The following COL25A1 variants were observed in gnomAD, a reference collection of about 807,000 sequenced individuals.
COL25A1 encodes collagen type XXV alpha 1 chain.
In COL25A1, 103 loss-of-function variants were observed where a neutral mutation model predicts 128.4. That is an observed-to-expected ratio of 0.80 (90% CI 0.68 to 0.94). The LOEUF is 0.94. Ranked by LOEUF, COL25A1 falls within the 40% of genes least tolerant of loss-of-function variation. COL25A1 has a pLI of 0.00. For synonymous variants in COL25A1, 279 were observed against 277.2 expected (o/e 1.01, Z -0.06); for missense variants, 745 against 840.0 (o/e 0.89, Z 1.40).
rs571848076 is a variant in COL25A1 at position 109,052,503 on chromosome 4, C to G, written c.368-2324G>C. Among the ~76,000 whole-genome samples the G allele has an allele frequency of 1.4e-4, 21 of 152,228 alleles. No individual in the cohort carries two copies. The South Asian group carries it at 4.4e-3, about 32-fold the overall frequency. ...AAGTTATGAGAAGATGGAATCTAAA[C>G]TCTAATGAATTTACAAAGAAAATAT... On this transcript the variant is annotated intron_variant, in intron 3 of 37. Transcript: ENST00000399132.
chr4:109,019,871 G>A (rs532413496), intron 5 of COL25A1, among the ~76,000 whole-genome samples: 129 of 152,236 alleles, frequency 8.5e-4, no homozygotes, highest in African/African-American at 3.0e-3. Flanking sequence ...AGAGAAGCAC[G>A]AAAGTTCCAT....
At chr4:109,128,262 A>G (rs1453703138) in intron 3 of COL25A1, among the ~76,000 whole-genome samples, 4 of 152,102 alleles carry the variant, frequency 2.6e-5, no homozygotes, top group African/African-American at 9.7e-5. Context: ...GATAAGAGGA[A>G]GCTGAGGACT....
chr4:109,258,171 C>T (rs947455726), intron 3 of COL25A1, among the ~76,000 whole-genome samples: 1 of 151,424 alleles, frequency 6.6e-6, no homozygotes, highest in Non-Finnish European at 1.5e-5. Context: ...CCAGTTTGTG[C>T]CCTGGTCCAT....
intron 31 of COL25A1, among the ~76,000 whole-genome samples, chr4:108,834,659 C>A (rs563174582): frequency 1.2e-4 from 19 of 152,176 alleles, no homozygotes; most frequent in Admixed American, 1.3e-4. Flanking sequence ...ATAAACTGGG[C>A]TACAAAGTAG....
At position 108,819,338 on chromosome 4, in the gene COL25A1, A is replaced by G. The variant is rs1731548983; in HGVS notation, c.1846-9T>C. On this transcript the variant is annotated splice_polypyrimidine_tract_variant and intron_variant, in intron 35 of 37. Coordinates refer to ENST00000399132, the MANE Select transcript of COL25A1 (RefSeq NM_198721.4). ...TTAACGCCACGGAATCCCTGTTTGT[A>G]AAGATTAACTCATAATGTTACTAAC... 1.9e-6 allele frequency: 3 copies of G among 1,608,508 alleles called. No individual in the cohort carries two copies. The highest frequency in any genetic ancestry group is 2.5e-6 in the Non-Finnish European group (3 of 1,176,606).
chr4:109,056,114 A>C (rs930298967), intron 3 of COL25A1, among the ~76,000 whole-genome samples: 5 of 152,138 alleles, frequency 3.3e-5, no homozygotes, highest in Admixed American at 1.3e-4. Context: ...TATTATTCAG[A>C]TATACAGTAA....
intron 8 of COL25A1, among the ~76,000 whole-genome samples, chr4:108,967,793 C>T (rs1377680093): frequency 6.6e-6 from 1 of 152,102 alleles, no homozygotes; most frequent in Non-Finnish European, 1.5e-5. Context: ...ATTTCCTAGT[C>T]CAACTTTCTT....
rs570736103 is a variant in COL25A1, at chr4:109,255,295, C to T, written c.367+45288G>A. Among the ~76,000 whole-genome samples the T allele has an allele frequency of 2.5e-3, 386 of 152,210 alleles. 5 individuals are homozygous for T. The highest frequency in any genetic ancestry group is 0.014 in the Middle Eastern group (4 of 294). ...TTCAAGGGTAACTTCATCTTATATT[C>T]CAAATTAATTTAAAAATAAAACTTA... On this transcript the variant is annotated intron_variant, in intron 3 of 37. Coordinates refer to ENST00000399132, the MANE Select transcript of COL25A1 (RefSeq NM_198721.4).
At chr4:108,928,800 C>T (rs1071929) in intron 11 of COL25A1, among the ~76,000 whole-genome samples, 1 of 151,918 alleles carries the variant, frequency 6.6e-6, no homozygotes, top group African/African-American at 2.4e-5. Context: ...CCACCCACTT[C>T]GGCCTCCCAA....
At chr4:109,219,442 T>C (rs1275018517) in intron 3 of COL25A1, among the ~76,000 whole-genome samples, 1 of 152,064 alleles carries the variant, frequency 6.6e-6, no homozygotes, top group Non-Finnish European at 1.5e-5. Flanking sequence ...ATTCTTTTAA[T>C]TATCAGTTTT....
chr4:108,933,759 A>T (rs1339891867), intron 11 of COL25A1, among the ~76,000 whole-genome samples: 3 of 152,034 alleles, frequency 2.0e-5, no homozygotes, highest in African/African-American at 7.2e-5. Context: ...CATTTTATAG[A>T]TCAGTAAAAA....
rs180871943 is a variant in COL25A1 at position 109,299,869 on chromosome 4, T to C, written c.367+714A>G. On this transcript the variant is annotated intron_variant, in intron 3 of 37. Coordinates refer to ENST00000399132, the MANE Select transcript of COL25A1 (RefSeq NM_198721.4). ...GCCCTCAAAGGTCCATGAAGGAAGA[T>C]TTAATGATTACCCAGGGGTCTTATT... Among the ~76,000 whole-genome samples the C allele has an allele frequency of 1.9e-4, 29 of 152,264 alleles. No individual in the cohort carries two copies. In the East Asian group the frequency reaches 4.6e-3, roughly 24 times the overall value.
intron 32 of COL25A1, among the ~76,000 whole-genome samples, chr4:108,829,035 CATT>C (rs1732738017): frequency 6.6e-6 from 1 of 152,098 alleles, no homozygotes; most frequent in South Asian, 2.1e-4. Context: ...AACTTTTATT[CATT>C]ATTACTTTAC....
At chr4:108,928,502 TTATTTATTTATGTATTTATTTATG>T (rs36231095) in intron 11 of COL25A1, among the ~76,000 whole-genome samples, 2 of 141,724 alleles carry the variant, frequency 1.4e-5, no homozygotes, top group Non-Finnish European at 3.2e-5. Flanking sequence ...ATTTTTAATT[TTATTTATTTATGTATTTATTTATG>T]TATTTATTTA....
At chr4:109,006,775 A>G (rs1376281570) in intron 6 of COL25A1, among the ~76,000 whole-genome samples, 1 of 152,152 alleles carries the variant, frequency 6.6e-6, no homozygotes, top group Non-Finnish European at 1.5e-5. Context: ...TGATAGATAA[A>G]ATTTGTTTTG....
intron 3 of COL25A1, among the ~76,000 whole-genome samples, chr4:109,288,463 C>T (rs1289992651): frequency 6.6e-6 from 1 of 152,042 alleles, no homozygotes; most frequent in African/African-American, 2.4e-5. Context: ...ATCAAAGATG[C>T]TCTTTAACCC....
chr4:109,167,961 T>A (rs575436658), intron 3 of COL25A1, among the ~76,000 whole-genome samples: 1 of 152,164 alleles, frequency 6.6e-6, no homozygotes, highest in Non-Finnish European at 1.5e-5. Flanking sequence ...TCCATTCATG[T>A]ATTTCCTTAA....
At chr4:108,984,248 A>C (rs1479482513) in intron 6 of COL25A1, among the ~76,000 whole-genome samples, 3 of 152,110 alleles carry the variant, frequency 2.0e-5, no homozygotes, top group African/African-American at 7.2e-5. Context: ...ACAGAGTGCC[A>C]ATTGGTGTAT....
intron 3 of COL25A1, among the ~76,000 whole-genome samples, chr4:109,231,336 C>A (rs908421392): frequency 5.9e-5 from 9 of 152,212 alleles, no homozygotes; most frequent in African/African-American, 2.2e-4. Flanking sequence ...CTAATCTACA[C>A]ATTTTAGAAT....
Sources: allele counts gnomAD v4.1 joint callset (sites outside exome capture counted in the v4.1 genomes callset), GRCh38; gene constraint gnomAD v4.1.1; transcripts MANE v1.5; gene names NCBI Gene and HGNC (gene_info 2026-07-23, HGNC 2026-07-21).